Variants in ADCY6 observed in about 807,000 individuals in gnomAD.
ADCY6 encodes the protein adenylate cyclase 6.
ADCY6 carries 59 observed loss-of-function variants against 111.6 expected under a neutral mutation model. The ratio of observed to expected loss-of-function variants is 0.53; its 90% CI spans 0.43 to 0.66. The LOEUF (loss-of-function observed/expected upper bound fraction) is 0.66. ADCY6 is among the 30% of genes least tolerant of loss of function. The pLI, the probability that ADCY6 is intolerant of heterozygous loss-of-function variation, is 0.00. For synonymous variants in ADCY6, 576 were observed against 642.9 expected (o/e 0.90, Z 1.57); for missense variants, 1,242 against 1,595.6 (o/e 0.78, Z 3.78).
chr12:48,783,069 C>A lies in ADCY6; in HGVS notation c.366G>T (p.Leu122=). The A allele has an allele frequency of 6.2e-7, 1 of 1,612,886 alleles. No homozygotes were observed. Among genetic ancestry groups the A allele is most frequent in the Non-Finnish European group, 8.5e-7 (1 of 1,179,678 alleles). The change falls in exon 2 of 22, where the codon CTG becomes CTT. Residue 122 remains leucine, a synonymous_variant. Transcript: ENST00000357869. ...PRSGRSCWRR[L]VQVFQSKQFR... The stretch of plus-strand genomic sequence containing the variant: ...ACTGCTTCGACTGGAACACCTGCAC[C>A]AGACGGCGCCAGCAGGATCGCCCAC...
intron 16 of ADCY6, among the ~76,000 whole-genome samples, chr12:48,772,757 G>A (rs1941585029): frequency 6.6e-6 from 1 of 152,162 alleles, no homozygotes. Flanking sequence ...TATGTGACCT[G>A]AGACAAGTCG....
In ADCY6 at chr12:48,775,375, G is replaced by C; in HGVS notation, c.1908C>G (p.Ser636Arg). 6.2e-7 allele frequency: 1 copy of C among 1,614,160 alleles called. No homozygotes were observed. Among genetic ancestry groups the C allele is most frequent in the South Asian group, 1.1e-5 (1 of 91,082 alleles). Residue 636 changes from serine (S) to arginine (R), a missense_variant, in exon 11 of 22, where the codon AGC becomes AGG. Coordinates refer to ENST00000357869, the MANE Select transcript of ADCY6 (RefSeq NM_015270.5). ...CATGGTCCTTCCGCAGCTGATCAAT[G>C]CTGCGGGCATCGATGGCACGGCTCA... ...EFLSRAIDARSIDQLRKDHVR... is the reference protein window; with the variant it reads ...EFLSRAIDARRIDQLRKDHVR...
rs1225915426 is a variant in ADCY6, at chr12:48,767,538, C to T, written c.*1053G>A. 1 of 152,786 alleles carries T rather than the reference C, an allele frequency of 6.5e-6. No individual in the cohort carries two copies. The highest frequency in any genetic ancestry group is 1.5e-5 in the Non-Finnish European group (1 of 68,146). 9.5% of individuals were successfully genotyped at this position (152,786 alleles called of 1,614,324 possible). A position where few individuals can be genotyped will look rare whatever the true frequency, so the allele number is the denominator to read the frequency against. ...AAACAGATATGCACACAAAGACCAA[C>T]ATGCACACACAGTTACACAAACACA... On this transcript the variant is annotated 3_prime_UTR_variant, in exon 22 of 22. Coordinates refer to ENST00000357869, the MANE Select transcript of ADCY6 (RefSeq NM_015270.5).
intron 2 of ADCY6, among the ~76,000 whole-genome samples, chr12:48,779,139 C>T (rs985536245): frequency 1.3e-5 from 2 of 152,034 alleles, no homozygotes; most frequent in African/African-American, 4.8e-5. Flanking sequence ...ACCTCGGCTT[C>T]CCAAAGTGCT....
intron 20 of ADCY6, among the ~76,000 whole-genome samples, chr12:48,769,993 C>A (rs1004223408): frequency 2.0e-5 from 3 of 151,848 alleles, no homozygotes; most frequent in East Asian, 3.8e-4. Flanking sequence ...GATCTCTTGA[C>A]CTCGTGATCC....
intron 18 of ADCY6, 75 bp from the exon 19 acceptor site, chr12:48,772,048 C>G (rs777470134): frequency 1.3e-6 from 2 of 1,530,352 alleles, no homozygotes; most frequent in Non-Finnish European, 1.8e-6. Context: ...CTTGGAAGTG[C>G]GGATAAGAGG....
chr12:48,773,219 T>C lies in ADCY6; in HGVS notation c.2621+250A>G, dbSNP rs977723657. ...TAAGATGGTGGATGTGAAAGCACCA[T>C]GCAAATGTAAGAGGGAATTTTTTTT... On this transcript the variant is annotated intron_variant, in intron 16 of 21. Coordinates refer to ENST00000357869, the MANE Select transcript of ADCY6 (RefSeq NM_015270.5). 3.3e-5 allele frequency among the ~76,000 whole-genome samples: 5 copies of C among 152,022 alleles called. No homozygotes were observed. The East Asian group carries it at 5.8e-4, about 18-fold the overall frequency.
At position 48,776,226 on chromosome 12, in the gene ADCY6, C is replaced by T. The variant is rs1941697562; in HGVS notation, c.1660G>A (p.Gly554Ser). 6.2e-7 allele frequency: 1 copy of T among 1,614,222 alleles called. No homozygotes were observed. Among genetic ancestry groups the T allele is most frequent in the Non-Finnish European group, 8.5e-7 (1 of 1,180,044 alleles). Residue 554 changes from glycine (G) to serine (S), a missense_variant, in exon 8 of 22, where the codon GGC becomes AGC. Gly to Ser is a moderately conservative substitution (Grantham distance 56, BLOSUM62 0). Coordinates refer to ENST00000357869, the MANE Select transcript of ADCY6 (RefSeq NM_015270.5). This position sits in a 1 kb window ranked among gnomAD's most constrained non-coding sequence, Gnocchi z 6.1. Reference sequence around the variant, plus strand: ...GCCCTGACCCGTTTCTGGCTGGCGCCCAGGATGAGGAAAGTCTCAATGTGC... The same window carrying T: ...GCCCTGACCCGTTTCTGGCTGGCGCTCAGGATGAGGAAAGTCTCAATGTGC... ...EQHIETFLILGASQKRKEEKA... is the reference protein window; with the variant it reads ...EQHIETFLILSASQKRKEEKA...
chr12:48,771,927 C>G lies in ADCY6; in HGVS notation c.2834G>C (p.Arg945Pro). 1 of 1,614,060 alleles carries G rather than the reference C, an allele frequency of 6.2e-7. No homozygotes were observed. Among genetic ancestry groups the G allele is most frequent in the Non-Finnish European group, 8.5e-7 (1 of 1,179,974 alleles). The change falls in exon 19 of 22, where the codon CGG becomes CCG. Residue 945 changes from arginine to proline, a missense_variant. Transcript: ENST00000357869. This position sits in a 1 kb window ranked among gnomAD's most constrained non-coding sequence, Gnocchi z 4.3. ...GGGCAGAATGTTATGCAGCAGCCTC[C>G]GGTTGTATGCCTGTAGCTCCTCCAT... ...EEMEELQAYN[R>P]RLLHNILPKD...
chr12:48,769,587 T>C (rs2137327412), intron 20 of ADCY6, among the ~76,000 whole-genome samples: 1 of 150,762 alleles, frequency 6.6e-6, no homozygotes, highest in East Asian at 1.9e-4. Context: ...ATCCTTTCTT[T>C]TCTTTTTTTT....
At chr12:48,788,064 C>T (rs1444767882) in intron 1 of ADCY6, among the ~76,000 whole-genome samples, 2 of 152,154 alleles carry the variant, frequency 1.3e-5, no homozygotes, top group Non-Finnish European at 2.9e-5. Context: ...ACTGCCCAGG[C>T]GGGGCCCAGC....
chr12:48,788,362 G>C (rs553287918), intron 1 of ADCY6, among the ~76,000 whole-genome samples: 1 of 152,068 alleles, frequency 6.6e-6, no homozygotes, highest in Non-Finnish European at 1.5e-5. Context: ...CCTTTCAGTC[G>C]AGCCCCAGAG....
Position 48,776,980 on chromosome 12 carries a change from G to T in ADCY6, c.1376+124C>A. ...TTGGAGAAAGATTCCCCTTCCCAGT[G>T]ACAGACAGACCTCAAAGACAGAGAA... On this transcript the variant is annotated intron_variant, in intron 6 of 21. Transcript: ENST00000357869. This position sits in a 1 kb window ranked among gnomAD's most constrained non-coding sequence, Gnocchi z 6.1. 1 of 1,384,192 alleles carries T rather than the reference G, an allele frequency of 7.2e-7. No individual in the cohort carries two copies. Among genetic ancestry groups the T allele is most frequent in the Non-Finnish European group, 9.7e-7 (1 of 1,026,878 alleles). 85.7% of individuals were successfully genotyped at this position (1,384,192 alleles called of 1,614,324 possible). A position where few individuals can be genotyped will look rare whatever the true frequency, so the allele number is the denominator to read the frequency against.
At chr12:48,772,036 G>A (rs1941561833) in intron 18 of ADCY6, 63 bp from the exon 19 acceptor site, 1 of 1,549,562 alleles carries the variant, frequency 6.5e-7, no homozygotes, top group East Asian at 2.3e-5. Context: ...TGGTGGCCAA[G>A]GCTTGGAAGT....
intron 16 of ADCY6, 142 bp downstream of exon 16, chr12:48,773,327 G>C: frequency 1.1e-6 from 1 of 910,790 alleles, no homozygotes; most frequent in Non-Finnish European, 1.6e-6. Context: ...CATGCTGGGA[G>C]CTCCTCCATC....
chr12:48,778,010 C>T, intron 3 of ADCY6, 98 bp downstream of exon 3: 1 of 1,478,018 alleles, frequency 6.8e-7, no homozygotes. Flanking sequence ...GGAACCATCA[C>T]ACTGTGCTGC....
chr12:48,778,690 C>G (rs1280550747), intron 2 of ADCY6, among the ~76,000 whole-genome samples: 1 of 152,170 alleles, frequency 6.6e-6, no homozygotes, highest in Non-Finnish European at 1.5e-5. Flanking sequence ...CACCTCCTCT[C>G]TCTTGGGTTT....
At chr12:48,770,003 C>T (rs1383837308) in intron 20 of ADCY6, among the ~76,000 whole-genome samples, 3 of 151,682 alleles carry the variant, frequency 2.0e-5, no homozygotes, top group Non-Finnish European at 2.9e-5. Context: ...CCTCGTGATC[C>T]GCCTGCCTCG....
At chr12:48,772,984 C>T (rs34863395) in intron 16 of ADCY6, among the ~76,000 whole-genome samples, 21,995 of 152,192 alleles carry the variant, frequency 0.14, 1,704 homozygotes, top group African/African-American at 0.19. Context: ...TAAAGTCACA[C>T]AGCTAATGAG....
Sources: allele counts gnomAD v4.1 joint callset (sites outside exome capture counted in the v4.1 genomes callset), GRCh38; gene constraint gnomAD v4.1.1; non-coding constraint Gnocchi (gnomAD v3.1); transcripts MANE v1.5; gene names NCBI Gene and HGNC (gene_info 2026-07-23, HGNC 2026-07-21).